The following SORCS1 variants were observed in gnomAD, a reference collection of about 807,000 sequenced individuals.
SORCS1 encodes the protein sortilin related VPS10 domain containing receptor 1, also known as VPS10 domain-containing receptor SorCS1.
Under a neutral mutation model 146.1 loss-of-function variants are expected in SORCS1, and 60 were observed. The ratio of observed to expected loss-of-function variants is 0.41; its 90% CI spans 0.33 to 0.51. The LOEUF is 0.51. Among genes scored for constraint, SORCS1 ranks in the 20% least tolerant of loss-of-function variants. SORCS1 has a pLI of 0.21. For missense variants in SORCS1, 1,352 were observed against 1,487.6 expected, an observed-to-expected ratio of 0.91 and a Z score of 1.50; for synonymous variants, 637 against 584.0, an observed-to-expected ratio of 1.09 and a Z score of -1.31.
At chr10:106,927,595 T>G (rs1254345851) in intron 2 of SORCS1, among the ~76,000 whole-genome samples, 1 of 152,190 alleles carries the variant, frequency 6.6e-6, no homozygotes, top group Non-Finnish European at 1.5e-5. Context: ...ACCCACATCC[T>G]GCCGATTGGT....
chr10:106,841,078 T>C (rs1949017403), intron 2 of SORCS1, among the ~76,000 whole-genome samples: 1 of 151,532 alleles, frequency 6.6e-6, no homozygotes, highest in South Asian at 2.1e-4. Flanking sequence ...ATGGTCTAGA[T>C]CTCCTGACCT....
intron 16 of SORCS1, among the ~76,000 whole-genome samples, chr10:106,669,289 C>T (rs1851405539): frequency 6.6e-6 from 1 of 152,006 alleles, no homozygotes; most frequent in African/African-American, 2.4e-5. Flanking sequence ...TACTTTGAAG[C>T]CTGTAGAAAA....
intron 12 of SORCS1, among the ~76,000 whole-genome samples, chr10:106,678,625 G>T (rs1852212850): frequency 6.6e-6 from 1 of 152,172 alleles, no homozygotes; most frequent in African/African-American, 2.4e-5. Context: ...TGTTAAGATT[G>T]CTAAACCTCA....
chr10:107,069,565 G>T (rs1962240648), intron 1 of SORCS1, among the ~76,000 whole-genome samples: 1 of 151,854 alleles, frequency 6.6e-6, no homozygotes, highest in Non-Finnish European at 1.5e-5. Context: ...TGGTAGAGAT[G>T]GGGTTTCACC....
intron 17 of SORCS1, among the ~76,000 whole-genome samples, chr10:106,666,194 C>T (rs1229010855): frequency 1.3e-5 from 2 of 152,160 alleles, no homozygotes; most frequent in Non-Finnish European, 2.9e-5. Context: ...CTGAGTAAAG[C>T]AGATTGACTT....
chr10:107,042,444 T>G (rs1025531302), intron 1 of SORCS1, among the ~76,000 whole-genome samples: 1 of 152,302 alleles, frequency 6.6e-6, no homozygotes, highest in East Asian at 1.9e-4. Context: ...TTCTCTCTTA[T>G]GCTAACTTGG....
chr10:106,607,067 T>G (rs940254273), intron 23 of SORCS1, 99 bp downstream of exon 23: 2 of 1,490,136 alleles, frequency 1.3e-6, no homozygotes, highest in East Asian at 4.5e-5. Flanking sequence ...GAAGCTGTAG[T>G]TAGGATCACC....
chr10:106,797,038 C>T (rs1233779843), intron 3 of SORCS1, among the ~76,000 whole-genome samples: 1 of 151,988 alleles, frequency 6.6e-6, no homozygotes, highest in Admixed American at 6.6e-5. Context: ...ACCTGGGAGA[C>T]GGAGGTTGCA....
At chr10:106,673,347 G>A (rs973036458) in intron 14 of SORCS1, among the ~76,000 whole-genome samples, 26 of 152,026 alleles carry the variant, frequency 1.7e-4, no homozygotes, top group Admixed American at 1.1e-3. Context: ...TGGCCAGGAT[G>A]GTCTTGATCT....
chr10:107,125,173 G>A (rs761187060), intron 1 of SORCS1, among the ~76,000 whole-genome samples: 1 of 151,852 alleles, frequency 6.6e-6, no homozygotes, highest in Non-Finnish European at 1.5e-5. Context: ...GGATGGTCTC[G>A]ATCTCCTGAT....
intron 1 of SORCS1, among the ~76,000 whole-genome samples, chr10:107,019,487 A>G (rs1160790904): frequency 6.6e-6 from 1 of 152,212 alleles, no homozygotes; most frequent in Non-Finnish European, 1.5e-5. Flanking sequence ...CGTCTAAATT[A>G]GAAAGCTCAA....
chr10:106,741,637 TGAGA>T (rs371543121), intron 5 of SORCS1, among the ~76,000 whole-genome samples: 4 of 147,516 alleles, frequency 2.7e-5, no homozygotes, highest in Non-Finnish European at 4.5e-5. Context: ...AGAGAGAGAG[TGAGA>T]GAGAGAGAGA....
intron 2 of SORCS1, among the ~76,000 whole-genome samples, chr10:106,889,501 T>C (rs1397355504): frequency 6.6e-6 from 1 of 151,868 alleles, no homozygotes; most frequent in Non-Finnish European, 1.5e-5. Context: ...CGGTGGCTCA[T>C]GCCTGTAATC....
At chr10:107,139,883 G>A (rs1967665145) in intron 1 of SORCS1, among the ~76,000 whole-genome samples, 1 of 152,186 alleles carries the variant, frequency 6.6e-6, no homozygotes, top group Non-Finnish European at 1.5e-5. Context: ...ACACTCCTAT[G>A]GGGTTGCTAG....
chr10:106,824,798 T>C (rs1402602767), intron 3 of SORCS1, among the ~76,000 whole-genome samples: 2 of 152,186 alleles, frequency 1.3e-5, no homozygotes, highest in Admixed American at 1.3e-4. Flanking sequence ...CCCGTAGGAA[T>C]GACCAATGTA....
intron 1 of SORCS1, among the ~76,000 whole-genome samples, chr10:107,105,389 G>A (rs968842728): frequency 9.2e-5 from 14 of 152,222 alleles, no homozygotes; most frequent in African/African-American, 3.4e-4. Context: ...TTATTAAGGA[G>A]TATTGACTCA....
chr10:106,985,630 G>A (rs563447938), intron 1 of SORCS1, among the ~76,000 whole-genome samples: 8 of 150,122 alleles, frequency 5.3e-5, no homozygotes, highest in East Asian at 2.0e-4. Flanking sequence ...CTAACTTCCC[G>A]GGTTCAAGCG....
chr10:106,961,058 T>A (rs563453670), intron 1 of SORCS1, among the ~76,000 whole-genome samples: 1 of 152,262 alleles, frequency 6.6e-6, no homozygotes, highest in African/African-American at 2.4e-5. Context: ...AGCCCCAACC[T>A]CTTTCTGCAC....
intron 10 of SORCS1, among the ~76,000 whole-genome samples, chr10:106,682,659 AG>A (rs1289718383): frequency 1.3e-5 from 2 of 152,230 alleles, no homozygotes; most frequent in Non-Finnish European, 2.9e-5. Context: ...CATTTTGCCC[AG>A]GCTGGGGGCA....
Sources: gnomAD v4.1 joint callset for allele counts (sites outside exome capture counted in the v4.1 genomes callset) on GRCh38, gnomAD v4.1.1 for gene constraint, MANE v1.5 for transcripts, NCBI Gene and HGNC (gene_info 2026-07-23, HGNC 2026-07-21) for gene names.